The following GNA14 variants were observed in gnomAD, a reference collection of about 807,000 sequenced individuals.
The protein encoded by GNA14 is G protein subunit alpha 14, also known as guanine nucleotide-binding protein subunit alpha-14.
Under a neutral mutation model 42.0 loss-of-function variants are expected in GNA14, and 50 were observed. That is an observed-to-expected ratio of 1.19 (90% confidence interval 0.95 to 1.51). GNA14 has a LOEUF of 1.51. Ranked by LOEUF, GNA14 falls within the 40% of genes most tolerant of loss-of-function variation. The probability of loss-of-function intolerance (pLI) is 0.00; values close to 1 mark genes in which losing one functional copy is unlikely to be tolerated. For missense variants in GNA14, 473 were observed against 446.2 expected (o/e 1.06, Z -0.54); for synonymous variants, 173 against 163.1 (o/e 1.06, Z -0.46).
intron 1 of GNA14, among the ~76,000 whole-genome samples, chr9:77,551,147 A>C (rs1193278963): frequency 6.6e-6 from 1 of 152,212 alleles, no homozygotes; most frequent in African/African-American, 2.4e-5. Flanking sequence ...TACTTTATAC[A>C]GAATGTATGT....
chr9:77,539,826 C>A (rs2131775489), intron 1 of GNA14, among the ~76,000 whole-genome samples: 1 of 152,046 alleles, frequency 6.6e-6, no homozygotes, highest in East Asian at 1.9e-4. Flanking sequence ...CTCTGATGAT[C>A]TTTTGTACTT....
At chr9:77,610,802 T>C (rs1313362367) in intron 1 of GNA14, among the ~76,000 whole-genome samples, 3 of 152,154 alleles carry the variant, frequency 2.0e-5, no homozygotes, top group Non-Finnish European at 2.9e-5. Context: ...ATTGCAAATA[T>C]CTGTAAGATG....
At position 77,620,164 on chromosome 9, in the gene GNA14, T is replaced by C. The variant is rs1276775872; in HGVS notation, c.124+27506A>G. On this transcript the variant is annotated intron_variant, in intron 1 of 6. Coordinates refer to ENST00000341700, the MANE Select transcript of GNA14 (RefSeq NM_004297.4). ...ATCAAGGTAACTAAGCTTTCCACTA[T>C]TGTTGAAGAGTTAACACGGAAACTC... Among the ~76,000 whole-genome samples, 6 of 152,124 alleles carry C rather than the reference T, an allele frequency of 3.9e-5. No homozygotes were observed. In the East Asian group the frequency reaches 5.8e-4, roughly 15 times the overall value.
Position 77,428,934 on chromosome 9 carries a change from G to A in GNA14, c.696C>T (p.Asp232=). ...CGTTGTCACACTCAGCCAGGACCTG[G>A]TCATATTCACTCAGAGCAACCAAGA... ...IIFLVALSEY[D]QVLAECDNEN... is the part of the protein sequence containing the mutation. Residue 232 remains aspartate (D), a synonymous_variant, in exon 5 of 7, where the codon GAC becomes GAT. Transcript: ENST00000341700. The A allele has an allele frequency of 6.2e-7, 1 of 1,613,946 alleles. No individual in the cohort carries two copies. Among genetic ancestry groups the A allele is most frequent in the South Asian group, 1.1e-5 (1 of 91,054 alleles).
At chr9:77,553,126 T>G (rs949063362) in intron 1 of GNA14, among the ~76,000 whole-genome samples, 1 of 152,182 alleles carries the variant, frequency 6.6e-6, no homozygotes, top group African/African-American at 2.4e-5. Flanking sequence ...TCAGAGGAGC[T>G]TCATAAATAT....
At chr9:77,466,530 T>A (rs930717220) in intron 2 of GNA14, among the ~76,000 whole-genome samples, 6 of 152,210 alleles carry the variant, frequency 3.9e-5, no homozygotes, top group African/African-American at 1.4e-4. Flanking sequence ...AAACATGGTT[T>A]TCTTTAGTTC....
intron 2 of GNA14, among the ~76,000 whole-genome samples, chr9:77,435,833 C>G (rs750176492): frequency 6.6e-6 from 1 of 152,140 alleles, no homozygotes; most frequent in Non-Finnish European, 1.5e-5. Flanking sequence ...TCCTTGGCTG[C>G]AAGTTGTAGC....
rs1824386160 is a variant in GNA14, at chr9:77,647,881, G to C, written c.-88C>G. The C allele has an allele frequency of 2.1e-6, 3 of 1,460,786 alleles. No homozygotes were observed. Among genetic ancestry groups the C allele is most frequent in the South Asian group, 1.2e-5 (1 of 81,198 alleles). The allele number at this position is 1,460,786 out of a possible 1,614,324, so 90.5% of individuals were successfully genotyped here. ...GCCGCTCACCCGGCCAGCATGCGAC[G>C]GGCACAGGGGTGTGGAAAGAAAAGA... On this transcript the variant is annotated 5_prime_UTR_variant, in exon 1 of 7. Coordinates refer to ENST00000341700, the MANE Select transcript of GNA14 (RefSeq NM_004297.4).
intron 1 of GNA14, among the ~76,000 whole-genome samples, chr9:77,581,003 C>G (rs1348362640): frequency 1.2e-4 from 2 of 17,296 alleles, no homozygotes; most frequent in Non-Finnish European, 2.0e-4. Flanking sequence ...ACAATAAAGG[C>G]ACACACACAC....
intron 2 of GNA14, among the ~76,000 whole-genome samples, chr9:77,528,370 TCAGA>T (rs1837474750): frequency 6.6e-6 from 1 of 152,294 alleles, no homozygotes; most frequent in South Asian, 2.1e-4. Flanking sequence ...CTTAATGAAC[TCAGA>T]CATAGTATTA....
Position 77,552,781 on chromosome 9 carries a change from T to G in GNA14, c.125-23528A>C, listed in dbSNP as rs542350483. On this transcript the variant is annotated intron_variant, in intron 1 of 6. Transcript: ENST00000341700. ...TTTCTTTTTAATGCCCAAGCATTTT[T>G]GGGTTCTTATAGCCAAATACAATTA... 3.3e-5 allele frequency among the ~76,000 whole-genome samples: 5 copies of G among 152,340 alleles called. No individual in the cohort carries two copies. The South Asian group carries it at 1.0e-3, about 32-fold the overall frequency.
chr9:77,439,580 C>T (rs561303814), intron 2 of GNA14, among the ~76,000 whole-genome samples: 5 of 152,130 alleles, frequency 3.3e-5, no homozygotes, highest in Non-Finnish European at 5.9e-5. Flanking sequence ...AAGGCTGCAG[C>T]GAGCCAAGAT....
Position 77,549,191 on chromosome 9 carries a change from C to T in GNA14, c.125-19938G>A, listed in dbSNP as rs541090768. 2.0e-5 allele frequency among the ~76,000 whole-genome samples: 3 copies of T among 152,310 alleles called. No homozygotes were observed. The South Asian group carries it at 6.2e-4, about 32-fold the overall frequency. On this transcript the variant is annotated intron_variant, in intron 1 of 6. Transcript: ENST00000341700. Reference sequence around the variant, plus strand: ...CTTATGATCCCGCCCACCTCGGCCTCCCAAAGTGCCGGGATTACAGGCGTG... The same window carrying T: ...CTTATGATCCCGCCCACCTCGGCCTTCCAAAGTGCCGGGATTACAGGCGTG...
chr9:77,536,630 G>C (rs1188887040), intron 1 of GNA14, among the ~76,000 whole-genome samples: 1 of 152,188 alleles, frequency 6.6e-6, no homozygotes, highest in African/African-American at 2.4e-5. Flanking sequence ...GATTACAGGT[G>C]TAAGACACCG....
At chr9:77,437,538 A>G (rs1337803223) in intron 2 of GNA14, among the ~76,000 whole-genome samples, 1 of 151,300 alleles carries the variant, frequency 6.6e-6, no homozygotes, top group East Asian at 1.9e-4. Context: ...GAGACCCTGT[A>G]TAAGAAAGAG....
At chr9:77,456,104 T>G (rs1242281798) in intron 2 of GNA14, among the ~76,000 whole-genome samples, 1 of 152,214 alleles carries the variant, frequency 6.6e-6, no homozygotes, top group Non-Finnish European at 1.5e-5. Context: ...TGATCATATA[T>G]GATCTTTACA....
intron 2 of GNA14, among the ~76,000 whole-genome samples, chr9:77,454,216 G>A (rs886084548): frequency 6.6e-5 from 10 of 152,128 alleles, no homozygotes; most frequent in Admixed American, 5.2e-4. Context: ...AGTCTTCACC[G>A]TTTCTTACAA....
chr9:77,488,632 A>G (rs1260384987), intron 2 of GNA14, among the ~76,000 whole-genome samples: 3 of 152,084 alleles, frequency 2.0e-5, no homozygotes, highest in Non-Finnish European at 4.4e-5. Flanking sequence ...GACCTCACCC[A>G]TTCAGATGGG....
intron 4 of GNA14, among the ~76,000 whole-genome samples, chr9:77,431,029 T>G: frequency 1.0e-5 from 1 of 97,940 alleles, no homozygotes; most frequent in Non-Finnish European, 2.0e-5. Context: ...TACATTTGTG[T>G]GTGTGTGTGT....
Sources: allele counts gnomAD v4.1 joint callset (sites outside exome capture counted in the v4.1 genomes callset), GRCh38; gene constraint gnomAD v4.1.1; transcripts MANE v1.5; gene names NCBI Gene and HGNC (gene_info 2026-07-23, HGNC 2026-07-21).